Variants in DSCAM observed in about 807,000 individuals in gnomAD.
DSCAM encodes the protein DS cell adhesion molecule.
Under a neutral mutation model 217.7 loss-of-function variants are expected in DSCAM, and 47 were observed. The ratio of observed to expected loss-of-function variants is 0.22; its 90% CI spans 0.17 to 0.28. The LOEUF (loss-of-function observed/expected upper bound fraction) is 0.28. DSCAM is among the 10% of genes least tolerant of loss of function. The pLI is 1.00. For synonymous variants in DSCAM, 1,056 were observed against 1,015.3 expected (o/e 1.04, Z -0.76); for missense variants, 2,080 against 2,618.3 (o/e 0.79, Z 4.49).
chr21:40,292,685 T>C (rs2073907849), intron 10 of DSCAM, among the ~76,000 whole-genome samples: 1 of 152,124 alleles, frequency 6.6e-6, no homozygotes, highest in African/African-American at 2.4e-5. Context: ...CAGGGATAAA[T>C]GAACACATAT....
intron 1 of DSCAM, among the ~76,000 whole-genome samples, chr21:40,766,272 T>G (rs1217503843): frequency 6.6e-6 from 1 of 152,106 alleles, no homozygotes; most frequent in African/African-American, 2.4e-5. Flanking sequence ...CTCCCCATTT[T>G]CCCCATACAT....
intron 3 of DSCAM, among the ~76,000 whole-genome samples, chr21:40,577,825 C>G (rs189232063): frequency 2.0e-5 from 3 of 152,130 alleles, no homozygotes; most frequent in Non-Finnish European, 4.4e-5. Context: ...GTGATAGACT[C>G]GGGGCTTTGG....
chr21:40,735,454 G>A (rs2091053862), intron 1 of DSCAM, among the ~76,000 whole-genome samples: 1 of 152,166 alleles, frequency 6.6e-6, no homozygotes, highest in Non-Finnish European at 1.5e-5. Context: ...TTGGCTATAG[G>A]TGTCAAGATC....
At chr21:40,607,131 A>G (rs13051652) in intron 3 of DSCAM, among the ~76,000 whole-genome samples, 13,466 of 152,228 alleles carry the variant, frequency 0.088, 670 homozygotes, top group South Asian at 0.16. Context: ...TCTTCCACTG[A>G]TATTAAGAAT....
intron 2 of DSCAM, among the ~76,000 whole-genome samples, chr21:40,706,600 A>G (rs1398671715): frequency 2.6e-5 from 4 of 152,172 alleles, no homozygotes; most frequent in Non-Finnish European, 5.9e-5. Context: ...ATGACCTGAT[A>G]CAGAAGAGGA....
chr21:40,757,476 T>C (rs1299154143), intron 1 of DSCAM, among the ~76,000 whole-genome samples: 1 of 152,234 alleles, frequency 6.6e-6, no homozygotes, highest in Non-Finnish European at 1.5e-5. Context: ...CTGACTTCTC[T>C]ACTCCTTCAA....
chr21:40,836,405 G>GCTAGCAT (rs1488123272), intron 1 of DSCAM, among the ~76,000 whole-genome samples: 24 of 152,218 alleles, frequency 1.6e-4, no homozygotes, highest in Non-Finnish European at 2.9e-4. Flanking sequence ...TTCGTAAGCT[G>GCTAGCAT]CTAGCATCCA....
chr21:40,076,812 G>T (rs1006351604), intron 26 of DSCAM, among the ~76,000 whole-genome samples: 20 of 152,154 alleles, frequency 1.3e-4, no homozygotes. Context: ...AGAGAAGCTG[G>T]GAACCAGAGT....
intron 19 of DSCAM, among the ~76,000 whole-genome samples, chr21:40,131,466 C>T (rs1190185483): frequency 1.3e-5 from 2 of 152,186 alleles, no homozygotes; most frequent in Non-Finnish European, 2.9e-5. Context: ...CGATCCGTCA[C>T]CCAGGCTGGA....
chr21:40,168,776 A>C (rs1331893206), intron 15 of DSCAM, among the ~76,000 whole-genome samples: 1 of 152,172 alleles, frequency 6.6e-6, no homozygotes, highest in Non-Finnish European at 1.5e-5. Flanking sequence ...AGTTCTGAGT[A>C]GTAGCATGAT....
chr21:40,612,866 G>A (rs1470474405), intron 3 of DSCAM, among the ~76,000 whole-genome samples: 2 of 152,142 alleles, frequency 1.3e-5, no homozygotes, highest in Non-Finnish European at 2.9e-5. Context: ...TGTCTTGGTA[G>A]GGAGGGGAGA....
intron 14 of DSCAM, among the ~76,000 whole-genome samples, chr21:40,182,643 G>A (rs1297408646): frequency 9.2e-5 from 12 of 129,750 alleles, no homozygotes; most frequent in East Asian, 2.3e-4. Flanking sequence ...CCGTGGACAG[G>A]AGGGGGTTAC....
intron 1 of DSCAM, among the ~76,000 whole-genome samples, chr21:40,833,566 G>C (rs758877956): frequency 6.6e-6 from 1 of 152,154 alleles, no homozygotes; most frequent in Non-Finnish European, 1.5e-5. Flanking sequence ...AGGAACCCAG[G>C]AACACCCTGA....
At chr21:40,689,496 A>T (rs1305636657) in intron 3 of DSCAM, among the ~76,000 whole-genome samples, 2 of 152,210 alleles carry the variant, frequency 1.3e-5, no homozygotes, top group Non-Finnish European at 2.9e-5. Context: ...ATCAGCTCTC[A>T]GCTATCCTAG....
intron 3 of DSCAM, among the ~76,000 whole-genome samples, chr21:40,450,507 AT>A (rs2075709886): frequency 6.6e-6 from 1 of 152,214 alleles, no homozygotes; most frequent in Non-Finnish European, 1.5e-5. Flanking sequence ...TTGGAAAAAA[AT>A]ATTTACAGGG....
chr21:40,246,475 A>C (rs2073227490), intron 11 of DSCAM, among the ~76,000 whole-genome samples: 1 of 142,844 alleles, frequency 7.0e-6, no homozygotes, highest in South Asian at 2.4e-4. Flanking sequence ...TGGGAGGTGG[A>C]GGCTGCACTG....
chr21:40,098,288 C>T (rs2089708379), intron 20 of DSCAM, among the ~76,000 whole-genome samples: 2 of 152,142 alleles, frequency 1.3e-5, no homozygotes, highest in Admixed American at 6.5e-5. Flanking sequence ...GGTGAATAAA[C>T]GTTTAGGATT....
intron 32 of DSCAM, among the ~76,000 whole-genome samples, chr21:40,025,500 C>G (rs569940198): frequency 2.0e-5 from 3 of 149,024 alleles, no homozygotes; most frequent in South Asian, 2.1e-4. Context: ...CCATCTGGTC[C>G]TGGACTCTTT....
intron 1 of DSCAM, among the ~76,000 whole-genome samples, chr21:40,721,171 C>T (rs1217775216): frequency 6.6e-6 from 1 of 152,158 alleles, no homozygotes; most frequent in Non-Finnish European, 1.5e-5. Context: ...AGGGAACAAA[C>T]TGAGTCTAAG....
Sources: gnomAD v4.1 joint callset for allele counts (sites outside exome capture counted in the v4.1 genomes callset) on GRCh38, gnomAD v4.1.1 for gene constraint, MANE v1.5 for transcripts, NCBI Gene and HGNC (gene_info 2026-07-23, HGNC 2026-07-21) for gene names.